Variants in ST18 observed in about 807,000 individuals in gnomAD.
ST18 encodes the protein ST18 C2H2C-type zinc finger transcription factor.
A neutral mutation model predicts 110.0 loss-of-function variants in ST18; 50 were observed. That is an observed-to-expected ratio of 0.45 (90% CI 0.36 to 0.58). ST18 has a LOEUF of 0.58. ST18 is among the 20% of genes least tolerant of loss of function. The pLI is 0.00. For missense variants in ST18, 1,306 were observed against 1,280.1 expected (o/e 1.02, Z -0.31); for synonymous variants, 461 against 452.4 (o/e 1.02, Z -0.24).
At chr8:52,177,282 AAAG>A (rs1466658419) in intron 9 of ST18, among the ~76,000 whole-genome samples, 1 of 152,198 alleles carries the variant, frequency 6.6e-6, no homozygotes, top group African/African-American at 2.4e-5. Flanking sequence ...TATCTTTTTG[AAAG>A]ACAGCAGGTT....
chr8:52,327,088 C>T (rs1387212838), intron 2 of ST18, among the ~76,000 whole-genome samples: 1 of 152,214 alleles, frequency 6.6e-6, no homozygotes, highest in African/African-American at 2.4e-5. Flanking sequence ...GTAGCCAAAT[C>T]ACTCACAACC....
At chr8:52,224,328 T>G (rs907176730) in intron 3 of ST18, among the ~76,000 whole-genome samples, 3 of 152,212 alleles carry the variant, frequency 2.0e-5, no homozygotes, top group Non-Finnish European at 4.4e-5. Flanking sequence ...AGCAAGAGAT[T>G]ATATATTTAG....
chr8:52,125,226 G>A (rs2046544000), intron 23 of ST18, among the ~76,000 whole-genome samples: 1 of 152,172 alleles, frequency 6.6e-6, no homozygotes, highest in Non-Finnish European at 1.5e-5. Flanking sequence ...CTAGGGAAAT[G>A]TAGATGTAGG....
chr8:52,161,023 C>T (rs1176112959), intron 14 of ST18, among the ~76,000 whole-genome samples: 7 of 152,172 alleles, frequency 4.6e-5, no homozygotes, highest in African/African-American at 1.7e-4. Flanking sequence ...ATAAATATTA[C>T]TGCATTACAA....
chr8:52,350,453 G>GC (rs1819782233), intron 2 of ST18, among the ~76,000 whole-genome samples: 1 of 152,114 alleles, frequency 6.6e-6, no homozygotes, highest in Non-Finnish European at 1.5e-5. Flanking sequence ...GTAGGTCATG[G>GC]CCCCAAACAT....
In ST18 at chr8:52,287,173, C is replaced by T. The variant is rs2095484540; in HGVS notation, c.-464-57096G>A. Among the ~76,000 whole-genome samples, 6 of 152,104 alleles carry T rather than the reference C, an allele frequency of 3.9e-5. No individual in the cohort carries two copies. In the South Asian group the frequency reaches 1.2e-3, roughly 32 times the overall value. On this transcript the variant is annotated intron_variant, in intron 2 of 25. Transcript: ENST00000689386. Reference sequence around the variant, plus strand: ...AACAGCAGGATGGATATATGAAGGTCCAGAGAAATTAGAAGAAATTCAAAA... The same window carrying T: ...AACAGCAGGATGGATATATGAAGGTTCAGAGAAATTAGAAGAAATTCAAAA...
chr8:52,251,893 T>C (rs1432526729), intron 2 of ST18, among the ~76,000 whole-genome samples: 2 of 152,242 alleles, frequency 1.3e-5, no homozygotes, highest in Non-Finnish European at 2.9e-5. Flanking sequence ...TGTTAAACTT[T>C]CAATTTAACT....
At position 52,324,579 on chromosome 8, in the gene ST18, G is replaced by A. The variant is rs138392405; in HGVS notation, c.-465+84749C>T. 3.2e-4 allele frequency among the ~76,000 whole-genome samples: 49 copies of A among 152,324 alleles called. No individual in the cohort carries two copies. The East Asian group carries it at 5.2e-3, about 16-fold the overall frequency. ...TGGGAACTAGTGATGAGCACTGACT[G>A]CAGGAGCTATGATTGTACCATTTCT... On this transcript the variant is annotated intron_variant, in intron 2 of 25. Transcript: ENST00000689386.
intron 17 of ST18, among the ~76,000 whole-genome samples, chr8:52,139,834 G>C (rs1157349743): frequency 2.0e-5 from 3 of 152,140 alleles, no homozygotes; most frequent in Non-Finnish European, 4.4e-5. Context: ...TAAAGAACTG[G>C]AGACAACATT....
chr8:52,323,510 C>T (rs563571339), intron 2 of ST18, among the ~76,000 whole-genome samples: 1 of 152,208 alleles, frequency 6.6e-6, no homozygotes, highest in Non-Finnish European at 1.5e-5. Flanking sequence ...CTTCCCTTCT[C>T]CTGCTGGGCT....
At chr8:52,130,303 A>G (rs147106667) in intron 22 of ST18, among the ~76,000 whole-genome samples, 2 of 152,296 alleles carry the variant, frequency 1.3e-5, no homozygotes, top group East Asian at 3.9e-4. Context: ...AGAATATTCT[A>G]TTTTTAGAGA....
intron 2 of ST18, among the ~76,000 whole-genome samples, chr8:52,356,955 A>T (rs1487766376): frequency 6.6e-6 from 1 of 152,178 alleles, no homozygotes; most frequent in Admixed American, 6.6e-5. Flanking sequence ...CAGGAAAAAT[A>T]ACTAATGGGT....
At chr8:52,335,150 C>T (rs907854425) in intron 2 of ST18, among the ~76,000 whole-genome samples, 1 of 152,146 alleles carries the variant, frequency 6.6e-6, no homozygotes, top group South Asian at 2.1e-4. Flanking sequence ...TGACTTCAGA[C>T]ATCTCTTGAT....
At chr8:52,346,119 A>G (rs1406768054) in intron 2 of ST18, among the ~76,000 whole-genome samples, 1 of 151,674 alleles carries the variant, frequency 6.6e-6, no homozygotes, top group East Asian at 1.9e-4. Flanking sequence ...ACAGTAGGTG[A>G]CATATTATAT....
intron 2 of ST18, among the ~76,000 whole-genome samples, chr8:52,276,979 C>T (rs2095281010): frequency 6.6e-6 from 1 of 152,112 alleles, no homozygotes; most frequent in Non-Finnish European, 1.5e-5. Flanking sequence ...GTTGGCCAGG[C>T]TGGTCACGAA....
chr8:52,218,333 C>T (rs1006470819), intron 5 of ST18, among the ~76,000 whole-genome samples: 50 of 151,358 alleles, frequency 3.3e-4, no homozygotes, highest in African/African-American at 1.2e-3. Flanking sequence ...TAAAATTAAT[C>T]GTAAAATTGT....
At chr8:52,396,090 T>C (rs1389096171) in intron 2 of ST18, among the ~76,000 whole-genome samples, 1 of 152,148 alleles carries the variant, frequency 6.6e-6, no homozygotes, top group African/African-American at 2.4e-5. Context: ...GGTAGTAAAA[T>C]AGTCACCATA....
At chr8:52,371,612 T>A (rs1274970526) in intron 2 of ST18, among the ~76,000 whole-genome samples, 1 of 152,186 alleles carries the variant, frequency 6.6e-6, no homozygotes, top group Admixed American at 6.5e-5. Context: ...CTGAAGTGTG[T>A]TGGATAAAAT....
At chr8:52,251,594 C>T (rs1169076710) in intron 2 of ST18, among the ~76,000 whole-genome samples, 1 of 142,984 alleles carries the variant, frequency 7.0e-6, no homozygotes, top group Non-Finnish European at 1.6e-5. Flanking sequence ...AAGATCTTTA[C>T]CAGTAAAAGG....
Sources: gnomAD v4.1 joint callset for allele counts (sites outside exome capture counted in the v4.1 genomes callset) on GRCh38, gnomAD v4.1.1 for gene constraint, MANE v1.5 for transcripts, NCBI Gene and HGNC (gene_info 2026-07-23, HGNC 2026-07-21) for gene names.